SRRM3: variants seen among roughly 807,000 people sequenced by gnomAD.
SRRM3 encodes serine/arginine repetitive matrix protein 3.
Under a neutral mutation model 66.2 loss-of-function variants are expected in SRRM3, and 27 were observed. The observed-to-expected ratio is 0.41, with a 90% CI of 0.30 to 0.56. The LOEUF (loss-of-function observed/expected upper bound fraction) is 0.56, where lower values mean the gene tolerates loss of function less well. SRRM3 is among the 20% of genes least tolerant of loss of function. The pLI is 0.32. For synonymous variants in SRRM3, 391 were observed against 414.9 expected (o/e 0.94, Z 0.70); for missense variants, 918 against 991.9 (o/e 0.93, Z 1.00).
At position 76,286,654 on chromosome 7, in the gene SRRM3, G is replaced by C. The variant is rs563702301; in HGVS notation, c.*811G>C. 1 of 152,358 alleles carries C rather than the reference G, an allele frequency of 6.6e-6. No homozygotes were observed. Among genetic ancestry groups the C allele is most frequent in the Non-Finnish European group, 1.5e-5 (1 of 68,132 alleles). The allele number at this position is 152,358 out of a possible 1,614,324, so 9.4% of individuals were successfully genotyped here. A position where few individuals can be genotyped will look rare whatever the true frequency, so the allele number is the denominator to read the frequency against. ...CAAGAGGTGGGGGGTACAGACCTCA[G>C]GTACATTTGACCCTGAGGTTAAAAG... is the stretch of plus-strand genomic sequence containing the variant. On this transcript the variant is annotated 3_prime_UTR_variant, in exon 15 of 15. Transcript: ENST00000611745.
intron 1 of SRRM3, among the ~76,000 whole-genome samples, chr7:76,211,033 C>T (rs1374417724): frequency 1.3e-5 from 2 of 152,066 alleles, no homozygotes; most frequent in Non-Finnish European, 2.9e-5. Context: ...AGGCTGGTCT[C>T]GAACTCCTGA....
intron 1 of SRRM3, among the ~76,000 whole-genome samples, chr7:76,218,419 C>A (rs373813308): frequency 5.9e-5 from 9 of 152,074 alleles, no homozygotes; most frequent in Admixed American, 5.3e-4. Context: ...TCTCCCCACC[C>A]TCCACCCCAC....
chr7:76,215,275 GA>G (rs1302385857), intron 1 of SRRM3, among the ~76,000 whole-genome samples: 10 of 146,480 alleles, frequency 6.8e-5, no homozygotes, highest in African/African-American at 2.3e-4. Context: ...TGGGAAGAGA[GA>G]AAAAAAAAGC....
At chr7:76,209,182 C>A (rs1203066366) in intron 1 of SRRM3, among the ~76,000 whole-genome samples, 1 of 152,176 alleles carries the variant, frequency 6.6e-6, no homozygotes, top group Non-Finnish European at 1.5e-5. Flanking sequence ...ACTATACAAT[C>A]GACATTTAAT....
intron 2 of SRRM3, among the ~76,000 whole-genome samples, chr7:76,236,071 G>A (rs1801145167): frequency 6.9e-6 from 1 of 145,762 alleles, no homozygotes; most frequent in Non-Finnish European, 1.5e-5. Context: ...TCAGCACTTT[G>A]GGAGGCCGAG....
At chr7:76,257,628 T>C (rs1801746904) in intron 3 of SRRM3, among the ~76,000 whole-genome samples, 1 of 151,392 alleles carries the variant, frequency 6.6e-6, no homozygotes, top group Non-Finnish European at 1.5e-5. Flanking sequence ...TTTTAATTAG[T>C]TGGGAGTGGT....
chr7:76,283,527 C>T, intron 14 of SRRM3: 2 of 458,066 alleles, frequency 4.4e-6, no homozygotes, highest in South Asian at 3.1e-5. Flanking sequence ...TCTCAAGGTC[C>T]AGCCTGCTGA....
At chr7:76,249,646 C>A (rs951350203) in intron 3 of SRRM3, among the ~76,000 whole-genome samples, 9 of 152,234 alleles carry the variant, frequency 5.9e-5, no homozygotes, top group African/African-American at 2.2e-4. Flanking sequence ...CCATGCCTGG[C>A]AGGCACCGTG....
At chr7:76,270,500 A>C in intron 11 of SRRM3, among the ~76,000 whole-genome samples, 1 of 148,008 alleles carries the variant, frequency 6.8e-6, no homozygotes, top group Admixed American at 6.7e-5. Context: ...ACATGATGAA[A>C]CCCCAGCTCT....
chr7:76,286,065 C>T lies in SRRM3; in HGVS notation c.*222C>T, dbSNP rs112562160. 2 of 591,086 alleles carry T rather than the reference C, an allele frequency of 3.4e-6. No individual in the cohort carries two copies. Among genetic ancestry groups the T allele is most frequent in the African/African-American group, 1.9e-5 (1 of 53,452 alleles). 36.6% of individuals were successfully genotyped at this position (591,086 alleles called of 1,614,324 possible). On this transcript the variant is annotated 3_prime_UTR_variant, in exon 15 of 15. Transcript: ENST00000611745. ...TGCTTCTACGGGTGTCCTCTCCCAC[C>T]TCCTGTCCACCCACTGTGCCCGGGG...
intron 3 of SRRM3, among the ~76,000 whole-genome samples, chr7:76,250,657 C>G (rs531350097): frequency 1.3e-5 from 2 of 152,202 alleles, no homozygotes; most frequent in East Asian, 3.9e-4. Context: ...CCCACCTTAC[C>G]CCACTTAATC....
At chr7:76,219,619 A>C (rs1489690773) in intron 1 of SRRM3, among the ~76,000 whole-genome samples, 1 of 152,180 alleles carries the variant, frequency 6.6e-6, no homozygotes, top group Non-Finnish European at 1.5e-5. Context: ...ATTCAAAGAC[A>C]GGGCTGGGGC....
chr7:76,226,060 AT>A (rs1554603715), intron 1 of SRRM3, among the ~76,000 whole-genome samples: 3 of 152,154 alleles, frequency 2.0e-5, no homozygotes, highest in African/African-American at 7.2e-5. Flanking sequence ...GGTCACTACG[AT>A]CTGAGCATCT....
At chr7:76,210,190 G>A (rs1483899510) in intron 1 of SRRM3, among the ~76,000 whole-genome samples, 1 of 152,196 alleles carries the variant, frequency 6.6e-6, no homozygotes, top group African/African-American at 2.4e-5. Flanking sequence ...TGATGGCACA[G>A]CCCTTGGTAT....
chr7:76,236,770 C>T (rs11762793), intron 2 of SRRM3, among the ~76,000 whole-genome samples: 35,198 of 152,066 alleles, frequency 0.23, 4,426 homozygotes, highest in East Asian at 0.45. Context: ...GAGGAGGCCC[C>T]TTGCAGAGAG....
At chr7:76,240,973 T>C (rs1404685253) in intron 2 of SRRM3, among the ~76,000 whole-genome samples, 2 of 151,984 alleles carry the variant, frequency 1.3e-5, no homozygotes, top group African/African-American at 4.8e-5. Flanking sequence ...CTTGGCTCAC[T>C]GCAACCTCCG....
At chr7:76,203,479 C>T (rs535770642) in intron 1 of SRRM3, among the ~76,000 whole-genome samples, 16 of 152,262 alleles carry the variant, frequency 1.1e-4, no homozygotes, top group South Asian at 2.1e-4. Context: ...ACTACTTTTA[C>T]GGTATAAAAT....
At chr7:76,266,452 ATATT>A (rs1802048253) in intron 10 of SRRM3, among the ~76,000 whole-genome samples, 1 of 110,952 alleles carries the variant, frequency 9.0e-6, no homozygotes, top group Non-Finnish European at 1.6e-5. Context: ...ATATATTTTA[ATATT>A]TATATATATT....
intron 1 of SRRM3, among the ~76,000 whole-genome samples, chr7:76,211,104 G>A (rs7779082): frequency 0.014 from 2,121 of 152,264 alleles, 51 homozygotes; most frequent in African/African-American, 0.048. Context: ...GAGCCACTGC[G>A]CCCAGCCAAG....
Sources: allele counts gnomAD v4.1 joint callset (sites outside exome capture counted in the v4.1 genomes callset), GRCh38; gene constraint gnomAD v4.1.1; transcripts MANE v1.5; gene names NCBI Gene and HGNC (gene_info 2026-07-23, HGNC 2026-07-21).